ANK3: variants seen among roughly 807,000 people sequenced by gnomAD.
The protein encoded by ANK3 is ankyrin 3.
Under a neutral mutation model 370.9 loss-of-function variants are expected in ANK3, and 57 were observed. The observed-to-expected ratio is 0.15, with a 90% CI of 0.12 to 0.19. ANK3 has a LOEUF of 0.19. ANK3 is among the 10% of genes least tolerant of loss of function. The pLI is 1.00. For synonymous variants in ANK3, 1,929 were observed against 1,946.3 expected (o/e 0.99, Z 0.23); for missense variants, 4,439 against 5,302.1 (o/e 0.84, Z 5.06).
chr10:60,605,751 C>T (rs978652837), intron 2 of ANK3, among the ~76,000 whole-genome samples: 4 of 152,132 alleles, frequency 2.6e-5, no homozygotes, highest in Non-Finnish European at 4.4e-5. Flanking sequence ...TGGCTTTGTG[C>T]AAGTCATGTA....
intron 8 of ANK3, among the ~76,000 whole-genome samples, chr10:60,217,119 T>C (rs563180538): frequency 8.5e-5 from 13 of 152,322 alleles, no homozygotes; most frequent in Admixed American, 1.3e-4. Flanking sequence ...ATATCCCCTT[T>C]GTCATTTTTT....
At chr10:60,198,920 A>T (rs2096629255) in intron 13 of ANK3, among the ~76,000 whole-genome samples, 1 of 152,186 alleles carries the variant, frequency 6.6e-6, no homozygotes, top group South Asian at 2.1e-4. Context: ...GTTATTATGC[A>T]CTCACATGGA....
intron 24 of ANK3, among the ~76,000 whole-genome samples, chr10:60,135,541 A>T (rs751455365): frequency 5.9e-5 from 9 of 152,256 alleles, no homozygotes; most frequent in Non-Finnish European, 1.3e-4. Context: ...GACAAGGATC[A>T]TGAGAAGCTA....
intron 2 of ANK3, among the ~76,000 whole-genome samples, chr10:60,558,717 C>T (rs949840031): frequency 6.6e-6 from 1 of 152,136 alleles, no homozygotes; most frequent in South Asian, 2.1e-4. Flanking sequence ...ACTATCTCTG[C>T]CAACTTTTAT....
chr10:60,244,360 C>G (rs997005919), intron 7 of ANK3, among the ~76,000 whole-genome samples: 4 of 152,136 alleles, frequency 2.6e-5, no homozygotes, highest in African/African-American at 9.7e-5. Context: ...TGATATCACT[C>G]AAAATCTTGT....
chr10:60,125,407 T>C (rs2093704851), intron 25 of ANK3, among the ~76,000 whole-genome samples: 1 of 152,192 alleles, frequency 6.6e-6, no homozygotes, highest in Non-Finnish European at 1.5e-5. Context: ...CCAACTTCTC[T>C]GCCTTAAAAC....
chr10:60,652,892 T>C (rs2078810183), intron 1 of ANK3, among the ~76,000 whole-genome samples: 1 of 152,122 alleles, frequency 6.6e-6, no homozygotes, highest in African/African-American at 2.4e-5. Context: ...GGGTACGTTC[T>C]ACAAAGTGCA....
At chr10:60,427,325 T>A (rs2063910281) in intron 2 of ANK3, among the ~76,000 whole-genome samples, 1 of 152,002 alleles carries the variant, frequency 6.6e-6, no homozygotes, top group Non-Finnish European at 1.5e-5. Flanking sequence ...AACTGACATA[T>A]CCTGACTCTG....
chr10:60,490,263 A>C (rs1017430875), intron 2 of ANK3, among the ~76,000 whole-genome samples: 3 of 152,120 alleles, frequency 2.0e-5, no homozygotes, highest in African/African-American at 7.2e-5. Flanking sequence ...TCATCTAAAA[A>C]CTTCTTGGCA....
At chr10:60,193,569 T>A (rs1163897308) in intron 16 of ANK3, among the ~76,000 whole-genome samples, 1 of 150,762 alleles carries the variant, frequency 6.6e-6, no homozygotes, top group Non-Finnish European at 1.5e-5. Flanking sequence ...GCAGGAGAAT[T>A]GCTTCAACCT....
At chr10:60,156,167 A>G (rs1472851518) in intron 23 of ANK3, among the ~76,000 whole-genome samples, 1 of 152,174 alleles carries the variant, frequency 6.6e-6, no homozygotes, top group Non-Finnish European at 1.5e-5. Flanking sequence ...TCATCCCCCA[A>G]TTCCAGGCAG....
At chr10:60,732,426 G>A (rs1371429287) in intron 1 of ANK3, among the ~76,000 whole-genome samples, 1 of 152,228 alleles carries the variant, frequency 6.6e-6, no homozygotes, top group Non-Finnish European at 1.5e-5. Context: ...GTGGCAATCT[G>A]CTGAGGGGTG....
intron 7 of ANK3, among the ~76,000 whole-genome samples, chr10:60,248,182 G>A (rs1220075882): frequency 6.6e-6 from 1 of 151,836 alleles, no homozygotes; most frequent in Non-Finnish European, 1.5e-5. Context: ...TCATTATTTT[G>A]GGTATATACC....
intron 8 of ANK3, among the ~76,000 whole-genome samples, chr10:60,226,587 G>C (rs1340123936): frequency 4.3e-5 from 3 of 69,894 alleles, no homozygotes; most frequent in Admixed American, 1.9e-4. Flanking sequence ...TATATACTAT[G>C]TATATATACT....
At chr10:60,328,928 AT>A (rs1415899588) in intron 1 of ANK3, among the ~76,000 whole-genome samples, 2 of 152,232 alleles carry the variant, frequency 1.3e-5, no homozygotes, top group Non-Finnish European at 2.9e-5. Context: ...CAAAAAGCTT[AT>A]CCACCATGTT....
intron 1 of ANK3, among the ~76,000 whole-genome samples, chr10:60,303,745 C>A (rs988188091): frequency 1.3e-5 from 2 of 151,992 alleles, no homozygotes; most frequent in Non-Finnish European, 2.9e-5. Context: ...GGGTATATTG[C>A]CAAAGAAATA....
intron 2 of ANK3, among the ~76,000 whole-genome samples, chr10:60,491,799 CCT>C (rs1359457612): frequency 6.6e-6 from 1 of 152,094 alleles, no homozygotes; most frequent in Admixed American, 6.5e-5. Flanking sequence ...CTCCTTGGTA[CCT>C]CTGAGTCCTT....
At chr10:60,633,184 A>T (rs1452373219) in intron 1 of ANK3, among the ~76,000 whole-genome samples, 1 of 152,212 alleles carries the variant, frequency 6.6e-6, no homozygotes, top group African/African-American at 2.4e-5. Flanking sequence ...TTTAGCAGGT[A>T]TGCAAAACAA....
intron 1 of ANK3, among the ~76,000 whole-genome samples, chr10:60,665,706 C>T (rs1379305596): frequency 6.6e-6 from 1 of 152,164 alleles, no homozygotes; most frequent in Non-Finnish European, 1.5e-5. Flanking sequence ...TTTCTCCATC[C>T]TAATCCCAGC....
Sources: gnomAD v4.1 joint callset for allele counts (sites outside exome capture counted in the v4.1 genomes callset) on GRCh38, gnomAD v4.1.1 for gene constraint, MANE v1.5 for transcripts, NCBI Gene and HGNC (gene_info 2026-07-23, HGNC 2026-07-21) for gene names.